CFAP61: variants seen among roughly 807,000 people sequenced by gnomAD.
CFAP61 encodes cilia and flagella associated protein 61.
CFAP61 carries 107 observed loss-of-function variants against 135.6 expected under a neutral mutation model. The observed-to-expected ratio is 0.79, with a 90% CI of 0.67 to 0.93. The LOEUF (loss-of-function observed/expected upper bound fraction) is 0.93. Ranked by LOEUF, CFAP61 falls within the 40% of genes least tolerant of loss-of-function variation. The probability of loss-of-function intolerance (pLI) is 0.00; values close to 1 mark genes in which losing one functional copy is unlikely to be tolerated. For missense variants in CFAP61, 1,507 were observed against 1,556.2 expected, an observed-to-expected ratio of 0.97 and a Z score of 0.53; for synonymous variants, 575 against 578.5, an observed-to-expected ratio of 0.99 and a Z score of 0.09.
intron 3 of CFAP61, 112 bp downstream of exon 3, chr20:20,071,116 C>A (rs2045674770): frequency 9.3e-7 from 1 of 1,075,556 alleles, no homozygotes; most frequent in South Asian, 1.6e-5. Flanking sequence ...GACATCATGA[C>A]AGTTAAAAGT....
intron 25 of CFAP61, among the ~76,000 whole-genome samples, chr20:20,310,183 G>A (rs1280547954): frequency 2.0e-5 from 3 of 151,948 alleles, no homozygotes; most frequent in East Asian, 1.9e-4. Flanking sequence ...TAGTAGAGAC[G>A]GGGTTTCACC....
intron 1 of CFAP61, among the ~76,000 whole-genome samples, chr20:20,054,559 G>A (rs1400889348): frequency 6.6e-6 from 1 of 152,196 alleles, no homozygotes; most frequent in Non-Finnish European, 1.5e-5. Context: ...GTAAAATTTT[G>A]TGGGAATACA....
At chr20:20,202,135 C>T (rs1470098840) in intron 17 of CFAP61, among the ~76,000 whole-genome samples, 4 of 152,110 alleles carry the variant, frequency 2.6e-5, no homozygotes, top group African/African-American at 9.7e-5. Flanking sequence ...CATTGAGTAA[C>T]CTTTTCCATG....
chr20:20,263,328 G>GA (rs1258954476), intron 21 of CFAP61, among the ~76,000 whole-genome samples, 198 bp downstream of exon 21: 4 of 151,998 alleles, frequency 2.6e-5, no homozygotes, highest in Non-Finnish European at 5.9e-5. Context: ...CTGGGGGAAA[G>GA]AAAAAAGCTT....
intron 21 of CFAP61, among the ~76,000 whole-genome samples, chr20:20,267,046 C>T (rs2052810918): frequency 6.6e-6 from 1 of 152,092 alleles, no homozygotes; most frequent in Admixed American, 6.6e-5. Context: ...GGATATCAGT[C>T]TCTATTTAAA....
chr20:20,316,330 GCTCT>G (rs1182321520), intron 25 of CFAP61, among the ~76,000 whole-genome samples: 2 of 151,488 alleles, frequency 1.3e-5, no homozygotes, highest in Non-Finnish European at 2.9e-5. Flanking sequence ...TCATGATTTG[GCTCT>G]CTGTTTGTCT....
At chr20:20,181,953 C>A (rs1442627268) in intron 13 of CFAP61, among the ~76,000 whole-genome samples, 1 of 152,164 alleles carries the variant, frequency 6.6e-6, no homozygotes, top group East Asian at 1.9e-4. Context: ...GAAGCAACTT[C>A]CTATTGAAAA....
chr20:20,265,532 C>T, intron 21 of CFAP61: 1 of 778,832 alleles, frequency 1.3e-6, no homozygotes, highest in Non-Finnish European at 2.4e-6. Context: ...CTCCCAGCAG[C>T]CAGTGCATAA....
chr20:20,053,856 C>T (rs1304284930), intron 1 of CFAP61, among the ~76,000 whole-genome samples: 1 of 152,082 alleles, frequency 6.6e-6, no homozygotes, highest in African/African-American at 2.4e-5. Flanking sequence ...TTACTGTAAA[C>T]AATTGATTTA....
chr20:20,191,016 G>A (rs189327220), intron 14 of CFAP61, among the ~76,000 whole-genome samples: 3 of 152,066 alleles, frequency 2.0e-5, no homozygotes, highest in Non-Finnish European at 4.4e-5. Flanking sequence ...TTGCTTGGGA[G>A]GCTGAGGCGC....
intron 14 of CFAP61, among the ~76,000 whole-genome samples, chr20:20,190,984 T>C (rs1245616965): frequency 6.6e-6 from 1 of 151,992 alleles, no homozygotes; most frequent in East Asian, 1.9e-4. Context: ...CTGAGCATGA[T>C]GGGGCACGCC....
intron 13 of CFAP61, 64 bp downstream of exon 13, chr20:20,169,524 A>C: frequency 7.5e-7 from 1 of 1,341,334 alleles, no homozygotes; most frequent in South Asian, 2.0e-5. Flanking sequence ...GGGAACAAGG[A>C]ACTCCCTGCT....
At chr20:20,301,120 C>G (rs752070757) in intron 25 of CFAP61, among the ~76,000 whole-genome samples, 1 of 152,138 alleles carries the variant, frequency 6.6e-6, no homozygotes, top group Non-Finnish European at 1.5e-5. Flanking sequence ...CCTTCGCACC[C>G]ACTCACCACT....
intron 6 of CFAP61, chr20:20,085,442 C>T (rs761966607): frequency 2.9e-6 from 4 of 1,365,442 alleles, no homozygotes; most frequent in Admixed American, 1.9e-5. Flanking sequence ...ACAAGTTCCT[C>T]TTTATCCATT....
At chr20:20,100,161 G>A (rs1462698375) in intron 8 of CFAP61, among the ~76,000 whole-genome samples, 1 of 151,078 alleles carries the variant, frequency 6.6e-6, no homozygotes, top group Non-Finnish European at 1.5e-5. Context: ...TTCTTTGAAA[G>A]CAGCACTAAA....
chr20:20,086,160 TC>T (rs2046783729), intron 6 of CFAP61, among the ~76,000 whole-genome samples: 1 of 151,766 alleles, frequency 6.6e-6, no homozygotes. Context: ...TTTTTTTTTT[TC>T]TTTCAAATTT....
chr20:20,122,982 G>A (rs2049787985), intron 8 of CFAP61, among the ~76,000 whole-genome samples: 1 of 151,590 alleles, frequency 6.6e-6, no homozygotes, highest in Non-Finnish European at 1.5e-5. Flanking sequence ...GTAAGGTGGT[G>A]TTGCATTGTG....
chr20:20,167,258 T>A (rs1385389350), intron 12 of CFAP61, among the ~76,000 whole-genome samples: 1 of 152,218 alleles, frequency 6.6e-6, no homozygotes, highest in Non-Finnish European at 1.5e-5. Context: ...GATGTTAGGT[T>A]TTATTTCCTC....
At chr20:20,259,422 A>ATT (rs11480895) in intron 20 of CFAP61, among the ~76,000 whole-genome samples, 57 of 135,630 alleles carry the variant, frequency 4.2e-4, no homozygotes, top group African/African-American at 1.2e-3. Context: ...AACCCAGCTA[A>ATT]TTTTTTTTTT....
Sources: gnomAD v4.1 joint callset for allele counts (sites outside exome capture counted in the v4.1 genomes callset) on GRCh38, gnomAD v4.1.1 for gene constraint, MANE v1.5 for transcripts, NCBI Gene and HGNC (gene_info 2026-07-23, HGNC 2026-07-21) for gene names.